MEGF11: variants seen among roughly 807,000 people sequenced by gnomAD.
MEGF11 encodes multiple epidermal growth factor-like domains protein 11.
In MEGF11, 126 loss-of-function variants were observed where a neutral mutation model predicts 146.6. The observed-to-expected ratio is 0.86, with a 90% confidence interval of 0.74 to 1.00. MEGF11 has a LOEUF of 1.00. Among genes scored for constraint, MEGF11 ranks in the 50% least tolerant of loss-of-function variants. The probability of loss-of-function intolerance (pLI) is 0.00; values close to 1 mark genes in which losing one functional copy is unlikely to be tolerated. For synonymous variants in MEGF11, 532 were observed against 583.4 expected (o/e 0.91, Z 1.27); for missense variants, 1,509 against 1,521.2 (o/e 0.99, Z 0.13).
chr15:66,019,962 C>A (rs1329668735), intron 5 of MEGF11, among the ~76,000 whole-genome samples: 1 of 152,208 alleles, frequency 6.6e-6, no homozygotes, highest in Non-Finnish European at 1.5e-5. Flanking sequence ...TCCAAGACAG[C>A]CCATGGCCAC....
chr15:66,185,202 C>A (rs537423707), intron 1 of MEGF11, among the ~76,000 whole-genome samples: 1 of 152,214 alleles, frequency 6.6e-6, no homozygotes, highest in African/African-American at 2.4e-5. Flanking sequence ...AGCTCATTTA[C>A]AACCCCTGCT....
At chr15:66,041,892 A>G (rs1039963866) in intron 5 of MEGF11, among the ~76,000 whole-genome samples, 2 of 152,164 alleles carry the variant, frequency 1.3e-5, no homozygotes, top group African/African-American at 4.8e-5. Context: ...GAAGTGGCAG[A>G]GCTGGGATCT....
rs149051984 is a variant in MEGF11 at position 66,252,315 on chromosome 15, C to T, written c.-9+1290G>A. Among the ~76,000 whole-genome samples, 686 of 150,872 alleles carry T rather than the reference C, an allele frequency of 4.5e-3. 22 individuals are homozygous for T. The East Asian group carries it at 0.094, about 21-fold the overall frequency. On this transcript the variant is annotated intron_variant, in intron 1 of 25. Coordinates refer to ENST00000395614, the MANE Select transcript of MEGF11 (RefSeq NM_001385028.1). ...GGGCGCTGGTGCCGGGGCGCGAGGACCCCTGCCCAAGGGAGCCGAGATGGC... is the reference window on the plus strand; with the variant it reads ...GGGCGCTGGTGCCGGGGCGCGAGGATCCCTGCCCAAGGGAGCCGAGATGGC...
chr15:66,128,019 C>T (rs1284094898), intron 2 of MEGF11, among the ~76,000 whole-genome samples: 1 of 152,232 alleles, frequency 6.6e-6, no homozygotes, highest in African/African-American at 2.4e-5. Flanking sequence ...GGACTGAGCC[C>T]CTCTGTGTCT....
At position 65,898,063 on chromosome 15, in the gene MEGF11, G is replaced by A. The variant is rs762360834; in HGVS notation, c.3294C>T (p.Cys1098=). The A allele has an allele frequency of 1.2e-6, 2 of 1,613,510 alleles. No homozygotes were observed. The highest frequency in any genetic ancestry group is 2.2e-5 in the East Asian group (1 of 44,864). ...TCTGGATATAGCTGGAGTTATGACC[G>A]CAACCTTCTTGGACCACACTGACTG... ...EPTVSVVQEG[C]GHNSSYIQNA... is the part of the protein sequence containing the mutation. The change falls in exon 26 of 26, where the codon TGC becomes TGT. Residue 1098 remains cysteine (C), a synonymous_variant. Transcript: ENST00000395614.
chr15:65,939,953 G>T (rs2079927098), intron 10 of MEGF11, among the ~76,000 whole-genome samples: 1 of 152,208 alleles, frequency 6.6e-6, no homozygotes, highest in Non-Finnish European at 1.5e-5. Flanking sequence ...AGTCATTTGT[G>T]TTCAGTACAC....
intron 1 of MEGF11, among the ~76,000 whole-genome samples, chr15:66,185,888 C>T (rs2090684337): frequency 6.6e-6 from 1 of 152,234 alleles, no homozygotes; most frequent in South Asian, 2.1e-4. Flanking sequence ...CACAGCCAGG[C>T]ACACAGTTCA....
intron 1 of MEGF11, among the ~76,000 whole-genome samples, chr15:66,206,761 G>GGTAAT (rs1313260947): frequency 6.6e-6 from 1 of 152,076 alleles, no homozygotes; most frequent in African/African-American, 2.4e-5. Flanking sequence ...AAATTAGCCA[G>GGTAAT]GCATGGTAGC....
At chr15:66,087,426 T>C (rs1443204385) in intron 5 of MEGF11, among the ~76,000 whole-genome samples, 1 of 152,148 alleles carries the variant, frequency 6.6e-6, no homozygotes, top group Non-Finnish European at 1.5e-5. Flanking sequence ...TGATAGGCCA[T>C]AAAATGAGCC....
At chr15:66,011,021 GTACAA>G (rs909715433) in intron 5 of MEGF11, among the ~76,000 whole-genome samples, 2 of 152,170 alleles carry the variant, frequency 1.3e-5, no homozygotes, top group African/African-American at 4.8e-5. Flanking sequence ...ACACTCATTG[GTACAA>G]TACAGGGTGT....
chr15:66,121,580 G>A (rs996949599), intron 3 of MEGF11, among the ~76,000 whole-genome samples: 2 of 152,120 alleles, frequency 1.3e-5, no homozygotes, highest in South Asian at 4.2e-4. Flanking sequence ...ACAATACTCC[G>A]GGCAACTAAA....
At chr15:65,934,527 A>G (rs1368112384) in intron 10 of MEGF11, among the ~76,000 whole-genome samples, 2 of 152,198 alleles carry the variant, frequency 1.3e-5, no homozygotes, top group Non-Finnish European at 2.9e-5. Flanking sequence ...CTGGGATTAC[A>G]GGTGTGAGCC....
intron 5 of MEGF11, among the ~76,000 whole-genome samples, chr15:66,041,511 C>T (rs1051390459): frequency 1.3e-5 from 2 of 152,188 alleles, no homozygotes; most frequent in Non-Finnish European, 2.9e-5. Flanking sequence ...CACTAGGTGC[C>T]TCCGATGTAC....
intron 5 of MEGF11, among the ~76,000 whole-genome samples, chr15:66,086,277 G>C (rs562457197): frequency 1.3e-5 from 2 of 152,188 alleles, no homozygotes; most frequent in Non-Finnish European, 2.9e-5. Flanking sequence ...CCTTGTGAGA[G>C]ACCTAGACAT....
chr15:65,984,569 T>C lies in MEGF11; in HGVS notation c.395-2081A>G, dbSNP rs76501139. On this transcript the variant is annotated intron_variant, in intron 5 of 25. Transcript: ENST00000395614. ...AAAAAAAGGCTCACAGGACAGAGAG[T>C]GACTGAGTATCCAGCAGTCCAGCAC... Among the ~76,000 whole-genome samples the C allele has an allele frequency of 3.4e-3, 435 of 128,164 alleles. 3 individuals carry two copies. Among genetic ancestry groups the C allele is most frequent in the African/African-American group, 0.013 (425 of 33,640 alleles). The allele number at this position is 128,164 out of a possible 152,430, so 84.1% of individuals were successfully genotyped here.
chr15:66,114,049 C>A (rs550597746), intron 4 of MEGF11, among the ~76,000 whole-genome samples: 1 of 152,244 alleles, frequency 6.6e-6, no homozygotes, highest in African/African-American at 2.4e-5. Flanking sequence ...TATAACAAGT[C>A]CCCCAGGTGA....
At chr15:66,076,616 G>A (rs950747429) in intron 5 of MEGF11, among the ~76,000 whole-genome samples, 1 of 152,162 alleles carries the variant, frequency 6.6e-6, no homozygotes, top group East Asian at 1.9e-4. Context: ...GATGTGGAGG[G>A]CATGGCTGCT....
At chr15:65,979,602 C>T (rs569183740) in intron 7 of MEGF11, among the ~76,000 whole-genome samples, 2 of 152,312 alleles carry the variant, frequency 1.3e-5, no homozygotes, top group Admixed American at 1.3e-4. Flanking sequence ...GGAAGGTCAG[C>T]TTCAGCTGAC....
chr15:66,243,883 C>T (rs1054394277), intron 1 of MEGF11, among the ~76,000 whole-genome samples: 8 of 152,108 alleles, frequency 5.3e-5, no homozygotes, highest in Non-Finnish European at 1.0e-4. Flanking sequence ...CCAGAACAGT[C>T]CTTCCAACAT....
Sources: allele counts gnomAD v4.1 joint callset (sites outside exome capture counted in the v4.1 genomes callset), GRCh38; gene constraint gnomAD v4.1.1; transcripts MANE v1.5; gene names NCBI Gene and HGNC (gene_info 2026-07-23, HGNC 2026-07-21).